SLC41A3: variants seen among roughly 807,000 people sequenced by gnomAD.
The protein encoded by SLC41A3 is solute carrier family 41 member 3.
SLC41A3 carries 44 observed loss-of-function variants against 45.4 expected under a neutral mutation model. That is an observed-to-expected ratio of 0.97 (90% CI 0.76 to 1.25). The LOEUF (loss-of-function observed/expected upper bound fraction) is 1.25. SLC41A3 is among the 50% of genes most tolerant of loss of function. SLC41A3 has a pLI of 0.00. For synonymous variants in SLC41A3, 256 were observed against 252.4 expected (o/e 1.01, Z -0.13); for missense variants, 550 against 600.6 (o/e 0.92, Z 0.88).
chr3:126,082,486 C>T (rs1945205802), intron 1 of SLC41A3, among the ~76,000 whole-genome samples: 1 of 152,202 alleles, frequency 6.6e-6, no homozygotes, highest in African/African-American at 2.4e-5. Flanking sequence ...GGTCAGAGAC[C>T]CTTGTGCCTT....
intron 3 of SLC41A3, among the ~76,000 whole-genome samples, chr3:126,042,580 T>C (rs894370217): frequency 6.6e-6 from 1 of 152,142 alleles, no homozygotes; most frequent in African/African-American, 2.4e-5. Context: ...AAAGAAAGTC[T>C]TTGAGCTTGC....
Position 126,015,570 on chromosome 3 carries a change from G to T in SLC41A3, c.894C>A (p.Phe298Leu), listed in dbSNP as rs772163948. The T allele has an allele frequency of 1.2e-5, 19 of 1,613,964 alleles. 1 individual carries two copies. In the South Asian group the frequency reaches 2.0e-4, roughly 17 times the overall value. Residue 298 changes from phenylalanine (F) to leucine (L), a missense_variant, in exon 8 of 11, where the codon TTC becomes TTA. Transcript: ENST00000360370. ...CGGTTTTGCTCAAGATGAGTCCTCC[G>T]AAACTGGGGAAATAGCAGACAGCAG... Reference protein sequence around the residue: ...PIILAMVISSFGGLILSKTVS... With the variant: ...PIILAMVISSLGGLILSKTVS...
upstream of SLC41A3, among the ~76,000 whole-genome samples, chr3:126,088,596 A>C (rs1429028925): frequency 1.3e-5 from 2 of 152,200 alleles, no homozygotes; most frequent in Non-Finnish European, 2.9e-5. Context: ...AGAATGAAGA[A>C]AAAAATATAT....
rs1559877784 is a variant in SLC41A3, at chr3:126,067,093, G to GCGCGCGCCCCCCCCCCCCCCCCCCCC, written c.273+853_273+854insGGGGGGGGGGGGGGGGGGGGCGCGCG. 5.4e-5 allele frequency among the ~76,000 whole-genome samples: 4 copies of GCGCGCGCCCCCCCCCCCCCCCCCCCC among 74,508 alleles called. 1 individual carries two copies. The highest frequency in any genetic ancestry group is 1.8e-4 in the African/African-American group (4 of 21,830). 48.9% of individuals were successfully genotyped at this position (74,508 alleles called of 152,430 possible). ...TGGGTCAGGGTCTGTGGGTTGGACC[G>GCGCGCGCCCCCCCCCCCCCCCCCCCC]CCCCCCCGCCCCCCGCCCCGGCCAC... On this transcript the variant is annotated intron_variant, in intron 2 of 10. Coordinates refer to ENST00000360370, the MANE Select transcript of SLC41A3 (RefSeq NM_017836.4).
chr3:126,029,095 G>A (rs968568725), intron 4 of SLC41A3, among the ~76,000 whole-genome samples: 37 of 151,916 alleles, frequency 2.4e-4, no homozygotes, highest in Admixed American at 5.2e-4. Context: ...ATGCTGGAAC[G>A]AGTTAAGACT....
intron 2 of SLC41A3, among the ~76,000 whole-genome samples, chr3:126,059,062 C>T (rs1384309137): frequency 6.6e-6 from 1 of 151,332 alleles, no homozygotes; most frequent in Non-Finnish European, 1.5e-5. Flanking sequence ...CTCCCTGGCA[C>T]GCACCCCTCC....
At position 126,026,464 on chromosome 3, in the gene SLC41A3, C is replaced by A. The variant is rs377543655; in HGVS notation, c.469G>T (p.Val157Leu). The part of the protein sequence containing the change: ...LALIQVQATV[V>L]GLLAAVAALL... Reference sequence around the variant, plus strand: ...GCAGCCACAGCAGCCAAGAGCCCCACGACAGTGGCCTGCACCTGTTGGACA... The same window carrying A: ...GCAGCCACAGCAGCCAAGAGCCCCAAGACAGTGGCCTGCACCTGTTGGACA... Residue 157 changes from valine (V) to leucine (L), a missense_variant, in exon 5 of 11, where the codon GTG becomes TTG. By Grantham distance (32) the Val-to-Leu change is conservative. Transcript: ENST00000360370. The surrounding 1 kb of genome is among the most constrained non-coding windows in gnomAD (Gnocchi z 4.2). The A allele has an allele frequency of 1.9e-6, 3 of 1,603,610 alleles. No individual in the cohort carries two copies. Among genetic ancestry groups the A allele is most frequent in the African/African-American group, 2.7e-5 (2 of 74,764 alleles).
chr3:126,062,919 C>CTTCATGGAAGAGAGGGGCATTAGCAAA (rs1944146887), intron 2 of SLC41A3, among the ~76,000 whole-genome samples: 4 of 152,200 alleles, frequency 2.6e-5, no homozygotes, highest in African/African-American at 9.7e-5. Flanking sequence ...CCAGAAACGC[C>CTTCATGGAAGAGAGGGGCATTAGCAAA]TTCATGGAAG....
chr3:126,031,012 C>T (rs1167731538), intron 4 of SLC41A3, among the ~76,000 whole-genome samples: 3 of 152,148 alleles, frequency 2.0e-5, no homozygotes, highest in African/African-American at 7.2e-5. Flanking sequence ...TGCTATCTGC[C>T]ATGCTCGAAG....
chr3:126,078,217 T>G (rs1195491512), intron 1 of SLC41A3, among the ~76,000 whole-genome samples: 2 of 152,284 alleles, frequency 1.3e-5, no homozygotes, highest in South Asian at 2.1e-4. Context: ...CAGAACCCAT[T>G]CCACCTTCCT....
intron 5 of SLC41A3, chr3:126,024,438 A>C (rs889796197): frequency 6.6e-6 from 1 of 152,204 alleles, no homozygotes; most frequent in Non-Finnish European, 1.5e-5. Flanking sequence ...CATGGCATCC[A>C]CCATCCGTCC....
At chr3:126,073,844 G>A (rs1189531513) in intron 1 of SLC41A3, among the ~76,000 whole-genome samples, 1 of 151,950 alleles carries the variant, frequency 6.6e-6, no homozygotes, top group East Asian at 1.9e-4. Context: ...TTGGAGAAGG[G>A]AACACTTCCC....
chr3:126,093,527 C>T (rs537628313), intron 1 of SLC41A3, among the ~76,000 whole-genome samples: 2 of 152,368 alleles, frequency 1.3e-5, no homozygotes, highest in South Asian at 2.1e-4. Context: ...GGAACCCCCA[C>T]AAAAGGTCCC....
chr3:126,101,404 G>A (rs1449390139), intron 1 of SLC41A3: 1 of 152,214 alleles, frequency 6.6e-6, no homozygotes, highest in Non-Finnish European at 1.5e-5. Context: ...GGAAATTGGG[G>A]GATAACGAAG....
chr3:126,088,240 C>G (rs995887614), upstream of SLC41A3, among the ~76,000 whole-genome samples: 1 of 152,068 alleles, frequency 6.6e-6, no homozygotes, highest in Non-Finnish European at 1.5e-5. Flanking sequence ...AGTGATATTT[C>G]ACTACCAAAC....
intron 1 of SLC41A3, among the ~76,000 whole-genome samples, chr3:126,072,151 A>G (rs1249239064): frequency 6.6e-6 from 1 of 152,186 alleles, no homozygotes; most frequent in Non-Finnish European, 1.5e-5. Flanking sequence ...ATGAATGAAA[A>G]TGAAAATACA....
At position 126,006,491 on chromosome 3, in the gene SLC41A3, T is replaced by C. The variant is rs9833685; in HGVS notation, c.*525A>G. The C allele has an allele frequency of 0.011, 17,683 of 1,613,716 alleles. 1,285 individuals carry two copies. The African/African-American group carries it at 0.18, about 16-fold the overall frequency. ...TTAAATGTTGAGTGCAGATGAAGGG[T>C]TGTATGAGGCCCCATCCTGGGGAGG... On this transcript the variant is annotated 3_prime_UTR_variant, in exon 11 of 11. Transcript: ENST00000360370.
chr3:126,047,477 G>A (rs1166210719), intron 3 of SLC41A3, among the ~76,000 whole-genome samples: 1 of 152,142 alleles, frequency 6.6e-6, no homozygotes, highest in Non-Finnish European at 1.5e-5. Context: ...GAAAGAACAA[G>A]GTTGGAGGTC....
At chr3:126,031,823 C>A (rs1252790282) in intron 4 of SLC41A3, among the ~76,000 whole-genome samples, 1 of 152,192 alleles carries the variant, frequency 6.6e-6, no homozygotes, top group East Asian at 1.9e-4. Flanking sequence ...CTGCCCCTTG[C>A]TAGACCTTGT....
Sources: allele counts gnomAD v4.1 joint callset (sites outside exome capture counted in the v4.1 genomes callset), GRCh38; gene constraint gnomAD v4.1.1; non-coding constraint Gnocchi (gnomAD v3.1); transcripts MANE v1.5; gene names NCBI Gene and HGNC (gene_info 2026-07-23, HGNC 2026-07-21).